AKAP1: variants seen among roughly 807,000 people sequenced by gnomAD.
AKAP1 encodes A-kinase anchor protein 1, mitochondrial.
A neutral mutation model predicts 79.8 loss-of-function variants in AKAP1; 32 were observed. That is an observed-to-expected ratio of 0.40 (90% CI 0.30 to 0.54). The LOEUF is 0.54. AKAP1 is among the 20% of genes least tolerant of loss of function. The probability of loss-of-function intolerance (pLI) is 0.47; values close to 1 mark genes in which losing one functional copy is unlikely to be tolerated. For synonymous variants in AKAP1, 416 were observed against 466.7 expected (o/e 0.89, Z 1.40); for missense variants, 961 against 1,138.9 (o/e 0.84, Z 2.25).
Position 57,118,475 on chromosome 17 carries a change from G to A in AKAP1, c.2574+21G>A, listed in dbSNP as rs1915725402. ...CTCAGGTGTGTGGTTGGCAGGGGTG[G>A]GGGAGGCAGGCTGGCTGGGTTCTTG... On this transcript the variant is annotated intron_variant, in intron 9 of 10. Coordinates refer to ENST00000337714, the MANE Select transcript of AKAP1 (RefSeq NM_003488.4). The A allele has an allele frequency of 2.5e-6, 4 of 1,613,266 alleles. No individual in the cohort carries two copies. The Admixed American group carries it at 6.7e-5, about 27-fold the overall frequency.
At chr17:57,091,450 G>A (rs928296462) in intron 1 of AKAP1, among the ~76,000 whole-genome samples, 38 of 152,100 alleles carry the variant, frequency 2.5e-4, no homozygotes, top group African/African-American at 9.2e-4. Flanking sequence ...AGCTGCCAAG[G>A]GGTGTGTGGA....
intron 2 of AKAP1, among the ~76,000 whole-genome samples, chr17:57,107,680 G>C (rs187432545): frequency 2.0e-5 from 3 of 151,604 alleles, no homozygotes; most frequent in Non-Finnish European, 2.9e-5. Context: ...TTGTGTGTGC[G>C]TGTGTGTGTG....
chr17:57,086,152 C>T lies in AKAP1; in HGVS notation c.-25+754C>T, dbSNP rs1287235023. 2 of 309,868 alleles carry T rather than the reference C, an allele frequency of 6.5e-6. No individual in the cohort carries two copies. The highest frequency in any genetic ancestry group is 2.5e-4 in the East Asian group (2 of 7,906). The allele number at this position is 309,868 out of a possible 1,614,324, so 19.2% of individuals were successfully genotyped here. On this transcript the variant is annotated intron_variant, in intron 1 of 10. Transcript: ENST00000337714. The surrounding 1 kb of genome is among the most constrained non-coding windows in gnomAD (Gnocchi z 5.1). Reference sequence around the variant, plus strand: ...GCGTGTCCGGAGGGGTGGAGGCCGTCCAGCCTGGGGTGTCTGCCGACCTCA... The same window carrying T: ...GCGTGTCCGGAGGGGTGGAGGCCGTTCAGCCTGGGGTGTCTGCCGACCTCA...
At chr17:57,101,401 TC>T (rs1914502207) in intron 1 of AKAP1, among the ~76,000 whole-genome samples, 2 of 151,984 alleles carry the variant, frequency 1.3e-5, no homozygotes. Flanking sequence ...GGTCTCAAAC[TC>T]CTGGCCTCAA....
chr17:57,119,050 T>G lies in AKAP1; in HGVS notation c.2637+6T>G, dbSNP rs745899023. 3 of 1,613,212 alleles carry G rather than the reference T, an allele frequency of 1.9e-6. No homozygotes were observed. The highest frequency in any genetic ancestry group is 1.7e-6 in the Non-Finnish European group (2 of 1,179,324). On this transcript the variant is annotated splice_donor_region_variant and intron_variant, in intron 10 of 10. Coordinates refer to ENST00000337714, the MANE Select transcript of AKAP1 (RefSeq NM_003488.4). ...GGAGTGTGGTTGGAGATGAAGTAAG[T>G]TCTGCCCTTCTTTTCCTTCTGTGTT...
In AKAP1 at chr17:57,106,948, G is replaced by T; in HGVS notation, c.1484G>T (p.Ser495Ile). ...ATCVTCMSDS[S>I]QSVPLVASPG... The stretch of plus-strand genomic sequence containing the variant: ...TGTGTCACCTGCATGTCAGACAGCA[G>T]CCAAAGTGTCCCTTTGGTGGCTTCT... Residue 495 changes from serine (S) to isoleucine (I), a missense_variant, in exon 2 of 11, where the codon AGC (serine) becomes ATC (isoleucine). Ser to Ile is a moderately radical substitution (Grantham distance 142). This residue lies in a region of AKAP1 where 629 missense variants were observed against 781.1 expected (regional missense o/e 0.81). Coordinates refer to ENST00000337714, the MANE Select transcript of AKAP1 (RefSeq NM_003488.4). 1.2e-6 allele frequency: 2 copies of T among 1,614,070 alleles called. No homozygotes were observed. The highest frequency in any genetic ancestry group is 1.7e-6 in the Non-Finnish European group (2 of 1,179,904).
intron 3 of AKAP1, among the ~76,000 whole-genome samples, chr17:57,110,551 AG>A (rs1190747212): frequency 6.6e-6 from 1 of 152,252 alleles, no homozygotes; most frequent in Non-Finnish European, 1.5e-5. Context: ...AATTGAGCAA[AG>A]CATAAATCCA....
rs749778490 is a variant in AKAP1 at position 57,105,616 on chromosome 17, AC to A, written c.155del (p.Pro52LeufsTer16). 4 of 1,613,936 alleles carry A rather than the reference AC, an allele frequency of 2.5e-6. No individual in the cohort carries two copies. In the South Asian group the frequency reaches 4.4e-5, roughly 18 times the overall value. ...GCTGGTGCTGTGCAGCTGAGGGCTG[AC>A]CCTGCCATCAAGGAACCTCTCCCCG... ...VEAGAVQLRA[D>X]PAIKEPLPVE... is the part of the protein sequence containing the mutation. On this transcript the variant is annotated frameshift_variant, in exon 2 of 11. Transcript: ENST00000337714. LOFTEE classifies it high-confidence loss of function.
chr17:57,107,892 T>G, intron 2 of AKAP1: 6 of 1,190,806 alleles, frequency 5.0e-6, no homozygotes, highest in Non-Finnish European at 6.7e-6. Flanking sequence ...TTGAGCTTCC[T>G]GAGTTGTCGC....
intron 4 of AKAP1, among the ~76,000 whole-genome samples, 162 bp from the exon 5 acceptor site, chr17:57,112,329 C>T (rs1308423457): frequency 6.6e-6 from 1 of 152,172 alleles, no homozygotes; most frequent in Non-Finnish European, 1.5e-5. Flanking sequence ...GGCTTAGATG[C>T]CTTTCTTCCT....
At chr17:57,089,468 T>A (rs1170120261) in intron 1 of AKAP1, among the ~76,000 whole-genome samples, 1 of 152,180 alleles carries the variant, frequency 6.6e-6, no homozygotes, top group African/African-American at 2.4e-5. Context: ...AAAGTATTTT[T>A]AAAAAAATTT....
intron 1 of AKAP1, chr17:57,094,756 A>T (rs1913992853): frequency 1.3e-5 from 2 of 151,674 alleles, no homozygotes; most frequent in African/African-American, 2.4e-5. Flanking sequence ...GACAAGAGGC[A>T]TGTACTACTA....
intron 8 of AKAP1, 112 bp from the exon 9 acceptor site, chr17:57,118,269 T>C: frequency 1.0e-6 from 1 of 985,286 alleles, no homozygotes; most frequent in Non-Finnish European, 1.6e-6. Flanking sequence ...AGTTCTCAAG[T>C]TCCACAGCAT....
intron 1 of AKAP1, among the ~76,000 whole-genome samples, chr17:57,100,226 A>G (rs1333411778): frequency 6.6e-6 from 1 of 152,140 alleles, no homozygotes; most frequent in African/African-American, 2.4e-5. Context: ...GATAATTGCT[A>G]TGGGAGTCAC....
chr17:57,088,855 GCAGT>G (rs1230353192), intron 1 of AKAP1, among the ~76,000 whole-genome samples: 3 of 152,326 alleles, frequency 2.0e-5, no homozygotes, highest in Admixed American at 6.5e-5. Context: ...ATAGTTTGCA[GCAGT>G]CAGTGGTAAA....
chr17:57,108,037 G>A (rs749996942), intron 2 of AKAP1: 118 of 1,230,848 alleles, frequency 9.6e-5, no homozygotes, highest in East Asian at 1.3e-4. Flanking sequence ...AGTTCAGACC[G>A]CTAACTTACA....
intron 4 of AKAP1, 150 bp downstream of exon 4, chr17:57,112,074 T>C: frequency 9.2e-7 from 1 of 1,084,852 alleles, no homozygotes; most frequent in Non-Finnish European, 1.3e-6. Context: ...CCTGCAGCCT[T>C]TTCCCCATTT....
At chr17:57,111,532 C>T (rs894965397) in intron 3 of AKAP1, among the ~76,000 whole-genome samples, 1 of 152,188 alleles carries the variant, frequency 6.6e-6, no homozygotes, top group African/African-American at 2.4e-5. Flanking sequence ...GGTTCGACTT[C>T]CTGGTTAGCA....
chr17:57,088,824 T>C (rs575569019), intron 1 of AKAP1, among the ~76,000 whole-genome samples: 1 of 152,304 alleles, frequency 6.6e-6, no homozygotes, highest in East Asian at 1.9e-4. Flanking sequence ...CACCATCTGG[T>C]TGTTTTTCCG....
Sources: allele counts gnomAD v4.1 joint callset (sites outside exome capture counted in the v4.1 genomes callset), GRCh38; gene constraint gnomAD v4.1.1; regional missense constraint gnomAD v4.1.1; non-coding constraint Gnocchi (gnomAD v3.1); transcripts MANE v1.5; gene names NCBI Gene and HGNC (gene_info 2026-07-23, HGNC 2026-07-21).